RELN: variants seen among roughly 807,000 people sequenced by gnomAD.
RELN encodes the protein reelin.
A neutral mutation model predicts 427.6 loss-of-function variants in RELN; 108 were observed. The ratio of observed to expected loss-of-function variants is 0.25; its 90% CI spans 0.22 to 0.30. The LOEUF (loss-of-function observed/expected upper bound fraction) is 0.30. Ranked by LOEUF, RELN falls within the 10% of genes least tolerant of loss-of-function variation. The probability of loss-of-function intolerance (pLI) is 1.00; values close to 1 mark genes in which losing one functional copy is unlikely to be tolerated. For synonymous variants in RELN, 1,524 were observed against 1,513.4 expected (o/e 1.01, Z -0.16); for missense variants, 3,715 against 4,302.8 (o/e 0.86, Z 3.82).
chr7:103,738,162 G>A (rs1299122794), intron 6 of RELN, among the ~76,000 whole-genome samples: 3 of 150,312 alleles, frequency 2.0e-5, no homozygotes, highest in Non-Finnish European at 4.4e-5. Context: ...TTTCCCACTA[G>A]AACATCAGAG....
intron 36 of RELN, among the ~76,000 whole-genome samples, chr7:103,560,698 C>T (rs1000272001): frequency 8.5e-5 from 13 of 152,186 alleles, no homozygotes; most frequent in Non-Finnish European, 1.3e-4. Context: ...TTAATTTCTT[C>T]AGTCCCTCAA....
chr7:103,676,969 C>T (rs1306178545), intron 11 of RELN, among the ~76,000 whole-genome samples: 4 of 151,698 alleles, frequency 2.6e-5, no homozygotes, highest in Non-Finnish European at 4.4e-5. Context: ...AGCACACCAA[C>T]ATGGTACATG....
chr7:103,695,417 G>A (rs1344760527), intron 10 of RELN, among the ~76,000 whole-genome samples: 2 of 151,950 alleles, frequency 1.3e-5, no homozygotes, highest in Non-Finnish European at 2.9e-5. Context: ...AATAGACATA[G>A]GTCACTCGGC....
Position 103,640,714 on chromosome 7 carries a change from G to A in RELN, c.2003-105C>T, listed in dbSNP as rs896180011. On this transcript the variant is annotated intron_variant, in intron 16 of 64. Coordinates refer to ENST00000428762, the MANE Select transcript of RELN (RefSeq NM_005045.4). The surrounding 1 kb of genome is among the most constrained non-coding windows in gnomAD (Gnocchi z 4.1). Reference sequence around the variant, plus strand: ...ATATGGCCCCTTGTGTGTATGTTGTGTGCAGGAACCCAGGGTGACATATGG... The same window carrying A: ...ATATGGCCCCTTGTGTGTATGTTGTATGCAGGAACCCAGGGTGACATATGG... 1 of 1,141,166 alleles carries A rather than the reference G, an allele frequency of 8.8e-7. No individual in the cohort carries two copies. The highest frequency in any genetic ancestry group is 2.5e-5 in the East Asian group (1 of 39,434). The allele number at this position is 1,141,166 out of a possible 1,614,324, so 70.7% of individuals were successfully genotyped here.
chr7:103,640,457 A>G lies in RELN; in HGVS notation c.2069+86T>C. On this transcript the variant is annotated intron_variant, in intron 17 of 64. Coordinates refer to ENST00000428762, the MANE Select transcript of RELN (RefSeq NM_005045.4). This position sits in a 1 kb window ranked among gnomAD's most constrained non-coding sequence, Gnocchi z 4.1. Reference sequence around the variant, plus strand: ...TGTCTTAAAAAGATCCCCGATCCTAAAAAAGGTTATTAAATGACTTGCGAC... The same window carrying G: ...TGTCTTAAAAAGATCCCCGATCCTAGAAAAGGTTATTAAATGACTTGCGAC... The G allele has an allele frequency of 1.5e-6, 2 of 1,359,936 alleles. No individual in the cohort carries two copies. Among genetic ancestry groups the G allele is most frequent in the Admixed American group, 1.7e-5 (1 of 58,984 alleles). The allele number at this position is 1,359,936 out of a possible 1,614,324, so 84.2% of individuals were successfully genotyped here.
intron 11 of RELN, among the ~76,000 whole-genome samples, chr7:103,664,423 C>T (rs1833212833): frequency 6.6e-6 from 1 of 152,136 alleles, no homozygotes; most frequent in Non-Finnish European, 1.5e-5. Flanking sequence ...ATCACAGGTG[C>T]ACCAGCTTTA....
intron 11 of RELN, among the ~76,000 whole-genome samples, chr7:103,675,324 T>C (rs1384346177): frequency 6.6e-6 from 1 of 152,078 alleles, no homozygotes; most frequent in Admixed American, 6.5e-5. Flanking sequence ...GGAATCCAAC[T>C]TACAAGGGAT....
chr7:103,984,156 A>T (rs928662755), intron 1 of RELN, among the ~76,000 whole-genome samples: 1 of 45,558 alleles, frequency 2.2e-5, no homozygotes, highest in Non-Finnish European at 5.3e-5. Context: ...CAGGAGGTAA[A>T]AAAAAAAAAA....
chr7:103,820,711 G>T (rs1792992792), intron 3 of RELN, among the ~76,000 whole-genome samples: 1 of 151,994 alleles, frequency 6.6e-6, no homozygotes, highest in African/African-American at 2.4e-5. Context: ...TCTAAATGAA[G>T]TTCATTATGA....
chr7:103,556,850 A>ATGTAAAATG, intron 38 of RELN, 127 bp downstream of exon 38: 1 of 815,876 alleles, frequency 1.2e-6, no homozygotes, highest in South Asian at 1.4e-5. Flanking sequence ...AAAGTGAAGC[A>ATGTAAAATG]TGTAAAATGT....
Position 103,557,972 on chromosome 7 carries a change from T to G in RELN, c.5607A>C (p.Ile1869=). 1 of 1,326,520 alleles carries G rather than the reference T, an allele frequency of 7.5e-7. No individual in the cohort carries two copies. Among genetic ancestry groups the G allele is most frequent in the East Asian group, 2.3e-5 (1 of 43,506 alleles). 82.2% of individuals were successfully genotyped at this position (1,326,520 alleles called of 1,614,324 possible). A position where few individuals can be genotyped will look rare whatever the true frequency, so the allele number is the denominator to read the frequency against. ...TMYVQFSLRF[I]AKSTPERSHS... Reference sequence around the variant, plus strand: ...TAATAAATTCATACTTACTTTTTGCTATAAATCTAAGTGAAAACTGGACAT... The same window carrying G: ...TAATAAATTCATACTTACTTTTTGCGATAAATCTAAGTGAAAACTGGACAT... The change falls in exon 37 of 65, where the codon ATA becomes ATC. Residue 1869 remains isoleucine, a synonymous_variant. Transcript: ENST00000428762.
At chr7:103,576,437 G>C (rs558751485) in intron 28 of RELN, among the ~76,000 whole-genome samples, 11 of 152,154 alleles carry the variant, frequency 7.2e-5, no homozygotes, top group Non-Finnish European at 1.6e-4. Flanking sequence ...ACCATGCGCA[G>C]ATTGATTTCT....
chr7:103,678,804 A>G (rs1037819876), intron 11 of RELN, among the ~76,000 whole-genome samples: 3 of 152,236 alleles, frequency 2.0e-5, no homozygotes, highest in Admixed American at 1.3e-4. Context: ...GTAGAATTCA[A>G]TCAATTCAAC....
chr7:103,940,899 T>C (rs182678867), intron 1 of RELN, among the ~76,000 whole-genome samples: 7 of 152,340 alleles, frequency 4.6e-5, no homozygotes, highest in African/African-American at 1.7e-4. Flanking sequence ...TGCTTTTGCC[T>C]GCTTTCTAAC....
chr7:103,805,680 A>T (rs553993938), intron 3 of RELN, among the ~76,000 whole-genome samples: 1 of 152,332 alleles, frequency 6.6e-6, no homozygotes, highest in African/African-American at 2.4e-5. Context: ...AAGATTGTTC[A>T]CATTTTGCTG....
At chr7:103,542,666 T>G in intron 43 of RELN, 65 bp downstream of exon 43, 2 of 1,564,704 alleles carry the variant, frequency 1.3e-6, no homozygotes, top group Admixed American at 3.3e-5. Flanking sequence ...TCCTTCTGAT[T>G]TGATTATGTT....
chr7:103,766,586 C>A (rs961897571), intron 4 of RELN, among the ~76,000 whole-genome samples: 1 of 152,206 alleles, frequency 6.6e-6, no homozygotes, highest in Non-Finnish European at 1.5e-5. Flanking sequence ...AGGTTAAACA[C>A]CCCATTCACA....
intron 12 of RELN, among the ~76,000 whole-genome samples, chr7:103,657,175 A>C (rs572332754): frequency 7.3e-4 from 111 of 152,172 alleles, no homozygotes; most frequent in Middle Eastern, 6.8e-3. Flanking sequence ...CATCCTAATA[A>C]TGTTTACTGT....
At chr7:103,887,288 G>A (rs367813197) in intron 2 of RELN, among the ~76,000 whole-genome samples, 48 of 152,272 alleles carry the variant, frequency 3.2e-4, no homozygotes, top group African/African-American at 1.1e-3. Context: ...CGGAAGTGAG[G>A]ATTAGTTATC....
Sources: gnomAD v4.1 joint callset for allele counts (sites outside exome capture counted in the v4.1 genomes callset) on GRCh38, gnomAD v4.1.1 for gene constraint, Gnocchi (gnomAD v3.1) non-coding constraint, MANE v1.5 for transcripts, NCBI Gene and HGNC (gene_info 2026-07-23, HGNC 2026-07-21) for gene names.